PTPRM: variants seen among roughly 807,000 people sequenced by gnomAD.
PTPRM encodes receptor-type tyrosine-protein phosphatase mu.
A neutral mutation model predicts 186.7 loss-of-function variants in PTPRM; 47 were observed. The ratio of observed to expected loss-of-function variants is 0.25; its 90% CI spans 0.20 to 0.32. PTPRM has a LOEUF of 0.32. PTPRM is among the 10% of genes least tolerant of loss of function. The pLI is 1.00. For synonymous variants in PTPRM, 668 were observed against 674.9 expected (o/e 0.99, Z 0.16); for missense variants, 1,494 against 1,865.0 (o/e 0.80, Z 3.66).
At chr18:8,287,426 G>A (rs2094968957) in intron 19 of PTPRM, among the ~76,000 whole-genome samples, 1 of 152,172 alleles carries the variant, frequency 6.6e-6, no homozygotes, top group Admixed American at 6.5e-5. Context: ...GAAAGTGACA[G>A]CTGCCCTGGT....
intron 2 of PTPRM, among the ~76,000 whole-genome samples, chr18:7,786,941 G>A (rs2043123395): frequency 6.6e-6 from 1 of 152,228 alleles, no homozygotes; most frequent in Non-Finnish European, 1.5e-5. Flanking sequence ...TACTTGGGCT[G>A]GATGAGTCAG....
intron 14 of PTPRM, among the ~76,000 whole-genome samples, chr18:8,170,263 A>T (rs1354699663): frequency 1.3e-5 from 2 of 152,160 alleles, no homozygotes; most frequent in Admixed American, 6.5e-5. Context: ...TTAAGACAGA[A>T]GTCTTAATCT....
chr18:8,256,214 A>G (rs960532712), intron 19 of PTPRM, among the ~76,000 whole-genome samples: 12 of 152,128 alleles, frequency 7.9e-5, no homozygotes, highest in Non-Finnish European at 1.5e-4. Context: ...TGTGCTATTC[A>G]GTGAGGCCAT....
intron 1 of PTPRM, among the ~76,000 whole-genome samples, chr18:7,571,730 C>A (rs943143602): frequency 2.6e-5 from 4 of 152,156 alleles, no homozygotes. Flanking sequence ...CTGAATAAAG[C>A]CTGTAATTTA....
At chr18:7,750,266 CATTT>C (rs1419445579) in intron 1 of PTPRM, among the ~76,000 whole-genome samples, 2 of 152,038 alleles carry the variant, frequency 1.3e-5, no homozygotes, top group Admixed American at 6.6e-5. Context: ...TCTGTTGTTT[CATTT>C]GTTTTAAAAA....
At chr18:8,016,543 A>G (rs1325248185) in intron 7 of PTPRM, among the ~76,000 whole-genome samples, 2 of 151,578 alleles carry the variant, frequency 1.3e-5, no homozygotes, top group Admixed American at 6.6e-5. Context: ...AAAAAAAAAA[A>G]AAAGAAAAAA....
chr18:7,733,053 G>A (rs559982002), intron 1 of PTPRM, among the ~76,000 whole-genome samples: 35 of 151,558 alleles, frequency 2.3e-4, no homozygotes, highest in African/African-American at 7.6e-4. Flanking sequence ...TGAAGGGTGA[G>A]GAGGGTACAA....
At chr18:8,045,531 G>C (rs2086987956) in intron 7 of PTPRM, among the ~76,000 whole-genome samples, 1 of 152,146 alleles carries the variant, frequency 6.6e-6, no homozygotes, top group Non-Finnish European at 1.5e-5. Flanking sequence ...GATGAACTTT[G>C]GGAACATTGT....
rs142887526 is a variant in PTPRM, at chr18:8,000,964, A to G, written c.1132+45550A>G. The stretch of plus-strand genomic sequence containing the variant: ...CTGGCCTATGAAGAATGGTGGTGGC[A>G]ATAAATGGGTGGAACATTGCAGGCA... On this transcript the variant is annotated intron_variant, in intron 7 of 32. Coordinates refer to ENST00000580170, the MANE Select transcript of PTPRM (RefSeq NM_001105244.2). 9.5e-3 allele frequency among the ~76,000 whole-genome samples: 1,448 copies of G among 152,326 alleles called. 7 individuals are homozygous for G. The highest frequency in any genetic ancestry group is 0.033 in the South Asian group (161 of 4,826).
At position 7,716,890 on chromosome 18, in the gene PTPRM, T is replaced by G. The variant is rs528143178; in HGVS notation, c.74-57259T>G. The stretch of plus-strand genomic sequence containing the variant: ...TTTACACTGTTGATGGAGTGTAAAT[T>G]AGTTCCCCCATTGTGGAAGACAGTG... On this transcript the variant is annotated intron_variant, in intron 1 of 32. Transcript: ENST00000580170. 3.9e-5 allele frequency among the ~76,000 whole-genome samples: 6 copies of G among 152,296 alleles called. No individual in the cohort carries two copies. The South Asian group carries it at 1.2e-3, about 32-fold the overall frequency.
At chr18:8,293,562 G>A (rs973845341) in intron 19 of PTPRM, among the ~76,000 whole-genome samples, 2 of 152,212 alleles carry the variant, frequency 1.3e-5, no homozygotes, top group African/African-American at 4.8e-5. Flanking sequence ...CTTTTTAGAT[G>A]GGTGGAAAAG....
chr18:7,749,953 C>A (rs993453332), intron 1 of PTPRM, among the ~76,000 whole-genome samples: 3 of 152,180 alleles, frequency 2.0e-5, no homozygotes, highest in Non-Finnish European at 4.4e-5. Context: ...GCTTAAGAGG[C>A]CTGCTGTCTA....
At chr18:7,849,597 T>G (rs1038451934) in intron 2 of PTPRM, among the ~76,000 whole-genome samples, 2 of 152,204 alleles carry the variant, frequency 1.3e-5, no homozygotes, top group African/African-American at 4.8e-5. Context: ...TTAAATGAAA[T>G]GATTGGAATT....
intron 1 of PTPRM, among the ~76,000 whole-genome samples, chr18:7,647,139 T>C (rs771624374): frequency 1.3e-5 from 2 of 152,114 alleles, no homozygotes; most frequent in Non-Finnish European, 2.9e-5. Context: ...ATTTAGCTAT[T>C]GAATGAGCAA....
intron 13 of PTPRM, among the ~76,000 whole-genome samples, chr18:8,135,391 T>C (rs940995842): frequency 1.3e-5 from 2 of 152,218 alleles, no homozygotes; most frequent in Admixed American, 1.3e-4. Flanking sequence ...ACTCATACTT[T>C]GGAGCCATAG....
chr18:8,365,242 A>G (rs2095621231), intron 23 of PTPRM, among the ~76,000 whole-genome samples: 1 of 152,118 alleles, frequency 6.6e-6, no homozygotes, highest in Non-Finnish European at 1.5e-5. Context: ...ACCACCATCT[A>G]ATTTATTGCC....
At chr18:7,979,218 T>C (rs964496750) in intron 7 of PTPRM, among the ~76,000 whole-genome samples, 18 of 152,208 alleles carry the variant, frequency 1.2e-4, no homozygotes, top group African/African-American at 4.3e-4. Flanking sequence ...TGTCTGACCC[T>C]GTCTAAGTAT....
intron 7 of PTPRM, among the ~76,000 whole-genome samples, chr18:8,011,998 G>A (rs1001625748): frequency 1.3e-4 from 19 of 151,904 alleles, no homozygotes; most frequent in African/African-American, 4.6e-4. Flanking sequence ...CCTCCTTTTT[G>A]TAGAGAAGAA....
At position 7,567,805 on chromosome 18, in the gene PTPRM, C is replaced by CCGCA; in HGVS notation, c.-12_-9dup. The CCGCA allele has an allele frequency of 6.5e-7, 1 of 1,534,324 alleles. No individual in the cohort carries two copies. Among genetic ancestry groups the CCGCA allele is most frequent in the South Asian group, 1.2e-5 (1 of 81,828 alleles). ...CACCGCCGCCGGGGAGCGGCCCGGC[C>CCGCA]CGCACTCAGCACCATGAGGGGACTT... On this transcript the variant is annotated 5_prime_UTR_variant, in exon 1 of 33. Coordinates refer to ENST00000580170, the MANE Select transcript of PTPRM (RefSeq NM_001105244.2). This position sits in a 1 kb window ranked among gnomAD's most constrained non-coding sequence, Gnocchi z 4.3.
Sources: gnomAD v4.1 joint callset for allele counts (sites outside exome capture counted in the v4.1 genomes callset) on GRCh38, gnomAD v4.1.1 for gene constraint, Gnocchi (gnomAD v3.1) non-coding constraint, MANE v1.5 for transcripts, NCBI Gene and HGNC (gene_info 2026-07-23, HGNC 2026-07-21) for gene names.